The following FAF1 variants were observed in gnomAD, a reference collection of about 807,000 sequenced individuals.
The protein encoded by FAF1 is Fas associated factor 1.
In FAF1, 25 loss-of-function variants were observed where a neutral mutation model predicts 92.5. That is an observed-to-expected ratio of 0.27 (90% confidence interval 0.20 to 0.38). The LOEUF (loss-of-function observed/expected upper bound fraction) is 0.38. Among genes scored for constraint, FAF1 ranks in the 10% least tolerant of loss-of-function variants. The pLI is 1.00. For synonymous variants in FAF1, 234 were observed against 273.2 expected (o/e 0.86, Z 1.42); for missense variants, 636 against 793.3 (o/e 0.80, Z 2.38).
At chr1:50,479,916 T>C (rs191195231) in intron 17 of FAF1, among the ~76,000 whole-genome samples, 64 of 152,172 alleles carry the variant, frequency 4.2e-4, no homozygotes, top group African/African-American at 1.4e-3. Context: ...ATAACAAAAA[T>C]ACATCAGTAG....
chr1:50,922,447 A>AGAC (rs1644971125), intron 1 of FAF1, among the ~76,000 whole-genome samples: 1 of 119,262 alleles, frequency 8.4e-6, no homozygotes, highest in Non-Finnish European at 1.7e-5. Flanking sequence ...TGACAGAGTA[A>AGAC]GACTCTGCCT....
intron 1 of FAF1, among the ~76,000 whole-genome samples, chr1:50,942,483 G>A (rs77732134): frequency 3.9e-5 from 6 of 152,108 alleles, no homozygotes; most frequent in Non-Finnish European, 8.8e-5. Flanking sequence ...GGAAAGGGAA[G>A]GGAAGGGAAT....
chr1:50,691,169 A>G (rs981427389), intron 7 of FAF1, among the ~76,000 whole-genome samples: 6 of 152,198 alleles, frequency 3.9e-5, no homozygotes, highest in African/African-American at 1.4e-4. Context: ...CAGCTACTAC[A>G]TTATGTCATA....
At chr1:50,513,443 T>C (rs1647164086) in intron 15 of FAF1, among the ~76,000 whole-genome samples, 1 of 152,048 alleles carries the variant, frequency 6.6e-6, no homozygotes, top group South Asian at 2.1e-4. Context: ...TGAGATGAGA[T>C]CGCGCCATTG....
rs114338459 is a variant in FAF1 at position 50,838,883 on chromosome 1, G to A, written c.114+19046C>T. ...AACTCTGGCCAATCCATCAGATGGT[G>A]TTCTTTATACACTAACACTGGAAGC... On this transcript the variant is annotated intron_variant, in intron 2 of 18. Transcript: ENST00000396153. Among the ~76,000 whole-genome samples the A allele has an allele frequency of 2.0e-3, 311 of 152,162 alleles. 3 individuals carry two copies. Among genetic ancestry groups the A allele is most frequent in the African/African-American group, 7.4e-3 (307 of 41,536 alleles).
intron 7 of FAF1, among the ~76,000 whole-genome samples, chr1:50,684,774 T>C (rs150468672): frequency 6.6e-6 from 1 of 152,218 alleles, no homozygotes; most frequent in Non-Finnish European, 1.5e-5. Flanking sequence ...ACAATATAGA[T>C]AGAACGTGAT....
chr1:50,821,242 G>A (rs537284860), intron 2 of FAF1, among the ~76,000 whole-genome samples: 36 of 152,246 alleles, frequency 2.4e-4, no homozygotes, highest in African/African-American at 7.9e-4. Context: ...ATATGCCAGT[G>A]GAGCATAAAT....
At chr1:50,618,721 G>T (rs1340458938) in intron 8 of FAF1, among the ~76,000 whole-genome samples, 1 of 148,848 alleles carries the variant, frequency 6.7e-6, no homozygotes, top group Non-Finnish European at 1.5e-5. Flanking sequence ...ACTAACATTT[G>T]TTTTATCGAA....
chr1:50,561,676 A>G (rs1200540410), intron 13 of FAF1, among the ~76,000 whole-genome samples: 1 of 152,102 alleles, frequency 6.6e-6, no homozygotes, highest in Non-Finnish European at 1.5e-5. Context: ...AAATACAAAA[A>G]TTAGCCAGGC....
chr1:50,873,398 T>C (rs1211659075), intron 1 of FAF1, among the ~76,000 whole-genome samples: 7 of 152,180 alleles, frequency 4.6e-5, no homozygotes, highest in African/African-American at 1.7e-4. Flanking sequence ...TTTTTACTGC[T>C]TCCCTGAATC....
intron 1 of FAF1, among the ~76,000 whole-genome samples, chr1:50,874,982 T>C (rs1644558789): frequency 6.6e-6 from 1 of 151,772 alleles, no homozygotes; most frequent in Admixed American, 6.6e-5. Context: ...GGTTTTGCCA[T>C]GTTGCCCAAG....
At chr1:50,570,511 T>G (rs1333810239) in intron 12 of FAF1, among the ~76,000 whole-genome samples, 1 of 151,968 alleles carries the variant, frequency 6.6e-6, no homozygotes, top group Non-Finnish European at 1.5e-5. Context: ...AAACATGAGA[T>G]GCCAGGAAAA....
chr1:50,790,488 T>C (rs1260859922), intron 3 of FAF1, among the ~76,000 whole-genome samples: 1 of 152,180 alleles, frequency 6.6e-6, no homozygotes, highest in Non-Finnish European at 1.5e-5. Context: ...CTTAAGATTT[T>C]ATACATAGGA....
In FAF1 at chr1:50,647,395, T is replaced by C. The variant is rs189907221; in HGVS notation, c.744+8047A>G. ...TACCTCGCTTCTTTCTGTACGTCAC[T>C]TTCCTTTTTTTGTCTATAAATTTGT... is the stretch of plus-strand genomic sequence containing the variant. On this transcript the variant is annotated intron_variant, in intron 8 of 18. Coordinates refer to ENST00000396153, the MANE Select transcript of FAF1 (RefSeq NM_007051.3). Among the ~76,000 whole-genome samples, 62 of 152,328 alleles carry C rather than the reference T, an allele frequency of 4.1e-4. No individual in the cohort carries two copies. The East Asian group carries it at 0.011, about 26-fold the overall frequency.
At chr1:50,894,730 C>T (rs1040036110) in intron 1 of FAF1, among the ~76,000 whole-genome samples, 2 of 151,902 alleles carry the variant, frequency 1.3e-5, no homozygotes, top group African/African-American at 4.8e-5. Flanking sequence ...GGAAACTATA[C>T]AAATACATGA....
chr1:50,706,747 C>T (rs191840840), intron 6 of FAF1, among the ~76,000 whole-genome samples: 5 of 152,272 alleles, frequency 3.3e-5, no homozygotes, highest in Non-Finnish European at 4.4e-5. Flanking sequence ...GACCTATCAT[C>T]AGTATGCCTG....
intron 7 of FAF1, among the ~76,000 whole-genome samples, chr1:50,673,256 CAAA>C (rs1387262409): frequency 8.4e-6 from 1 of 118,448 alleles, no homozygotes; most frequent in African/African-American, 3.1e-5. Context: ...GACTCTGTCT[CAAA>C]AAAAAAAAAG....
intron 2 of FAF1, among the ~76,000 whole-genome samples, chr1:50,831,304 TG>T (rs879858385): frequency 5.9e-5 from 9 of 152,194 alleles, no homozygotes; most frequent in Admixed American, 2.0e-4. Context: ...TCTTTACACT[TG>T]ATATTAGCTT....
chr1:50,718,213 T>C (rs980268439), intron 6 of FAF1, among the ~76,000 whole-genome samples: 3 of 152,066 alleles, frequency 2.0e-5, no homozygotes, highest in East Asian at 1.9e-4. Context: ...GTATTTTTAG[T>C]AGAGACAGAG....
Sources: gnomAD v4.1 joint callset for allele counts (sites outside exome capture counted in the v4.1 genomes callset) on GRCh38, gnomAD v4.1.1 for gene constraint, MANE v1.5 for transcripts, NCBI Gene and HGNC (gene_info 2026-07-23, HGNC 2026-07-21) for gene names.